Variants in CAP2 observed in about 807,000 individuals in gnomAD.
CAP2 encodes the protein adenylyl cyclase-associated protein 2.
A neutral mutation model predicts 57.7 loss-of-function variants in CAP2; 24 were observed. The ratio of observed to expected loss-of-function variants is 0.42; its 90% CI spans 0.30 to 0.58. CAP2 has a LOEUF of 0.58. Ranked by LOEUF, CAP2 falls within the 20% of genes least tolerant of loss-of-function variation. CAP2 has a pLI of 0.22. For synonymous variants in CAP2, 194 were observed against 207.2 expected, an observed-to-expected ratio of 0.94 and a Z score of 0.55; for missense variants, 501 against 590.3, an observed-to-expected ratio of 0.85 and a Z score of 1.57.
At chr6:17,505,354 T>C (rs1427451500) in intron 4 of CAP2, among the ~76,000 whole-genome samples, 1 of 152,206 alleles carries the variant, frequency 6.6e-6, no homozygotes, top group Non-Finnish European at 1.5e-5. Flanking sequence ...TATTTCCTAA[T>C]AGTTTGCTGT....
chr6:17,435,724 AAAAAAAAAC>A (rs1759861310), intron 3 of CAP2, among the ~76,000 whole-genome samples: 1 of 148,372 alleles, frequency 6.7e-6, no homozygotes, highest in African/African-American at 2.5e-5. Context: ...GGATAAAAAA[AAAAAAAAAC>A]AAAAAAAAAA....
chr6:17,462,384 A>G (rs1218362806), intron 3 of CAP2, among the ~76,000 whole-genome samples: 2 of 152,154 alleles, frequency 1.3e-5, no homozygotes, highest in Admixed American at 6.5e-5. Flanking sequence ...TGGGGCTCAA[A>G]CATTTTTTAA....
chr6:17,475,995 T>C (rs1198396796), intron 4 of CAP2, among the ~76,000 whole-genome samples: 3 of 152,218 alleles, frequency 2.0e-5, no homozygotes, highest in African/African-American at 7.2e-5. Flanking sequence ...TTTGGCTGAA[T>C]ATCCTATAGT....
At chr6:17,505,650 C>T (rs1419925139) in intron 4 of CAP2, among the ~76,000 whole-genome samples, 3 of 152,196 alleles carry the variant, frequency 2.0e-5, no homozygotes, top group Non-Finnish European at 4.4e-5. Context: ...TACTAAAATA[C>T]TGCTTAAAGC....
intron 7 of CAP2, among the ~76,000 whole-genome samples, chr6:17,529,266 G>A (rs1414322336): frequency 2.0e-5 from 3 of 152,178 alleles, no homozygotes; most frequent in South Asian, 2.1e-4. Flanking sequence ...AACAAATTTG[G>A]AAAGGTGTCA....
chr6:17,524,754 G>A (rs1252243195), intron 7 of CAP2, among the ~76,000 whole-genome samples: 3 of 152,076 alleles, frequency 2.0e-5, no homozygotes, highest in African/African-American at 7.2e-5. Context: ...TTCTGGAGAG[G>A]TGCTTTCACC....
chr6:17,497,043 A>G (rs1158727527), intron 4 of CAP2, among the ~76,000 whole-genome samples: 1 of 152,240 alleles, frequency 6.6e-6, no homozygotes, highest in Non-Finnish European at 1.5e-5. Context: ...TCAGCGTGGT[A>G]TTTGGCATAT....
intron 9 of CAP2, among the ~76,000 whole-genome samples, chr6:17,542,266 A>G (rs1581609131): frequency 6.6e-6 from 1 of 152,242 alleles, no homozygotes; most frequent in South Asian, 2.1e-4. Flanking sequence ...GTTCAGTCCC[A>G]TGGATGGAGG....
intron 4 of CAP2, among the ~76,000 whole-genome samples, chr6:17,492,262 A>G (rs1158415184): frequency 6.6e-6 from 1 of 152,148 alleles, no homozygotes; most frequent in Non-Finnish European, 1.5e-5. Context: ...GGGTGCATGT[A>G]TTTTGATTTT....
intron 9 of CAP2, among the ~76,000 whole-genome samples, chr6:17,542,598 G>C (rs1762931573): frequency 6.6e-6 from 1 of 152,182 alleles, no homozygotes; most frequent in Non-Finnish European, 1.5e-5. Flanking sequence ...CCTCCCACCT[G>C]CTAGGGTGCC....
chr6:17,521,672 T>C (rs1291732552), intron 7 of CAP2, among the ~76,000 whole-genome samples: 2 of 152,084 alleles, frequency 1.3e-5, no homozygotes, highest in Admixed American at 6.5e-5. Flanking sequence ...CAATGCACCA[T>C]GATAGAACAG....
chr6:17,542,718 G>A, intron 9 of CAP2, 119 bp from the exon 10 acceptor site: 1 of 803,110 alleles, frequency 1.2e-6, no homozygotes. Context: ...ATAAGGAGAT[G>A]GTTCCAAAAG....
intron 3 of CAP2, among the ~76,000 whole-genome samples, chr6:17,460,190 A>G (rs1760684014): frequency 1.3e-5 from 2 of 152,196 alleles, no homozygotes; most frequent in South Asian, 4.1e-4. Flanking sequence ...ATGGAGAGAG[A>G]AAGTGACCCA....
At chr6:17,481,043 G>A (rs1182083702) in intron 4 of CAP2, among the ~76,000 whole-genome samples, 2 of 149,230 alleles carry the variant, frequency 1.3e-5, no homozygotes, top group East Asian at 2.0e-4. Context: ...AGGTGACCTC[G>A]GCTTCTCAAA....
intron 4 of CAP2, among the ~76,000 whole-genome samples, chr6:17,494,188 A>C (rs188128067): frequency 3.3e-5 from 5 of 152,302 alleles, no homozygotes; most frequent in Admixed American, 6.5e-5. Flanking sequence ...AGCGATCCTT[A>C]GAAAAGAAAA....
chr6:17,546,674 C>T (rs532263943), intron 11 of CAP2, among the ~76,000 whole-genome samples: 13 of 152,212 alleles, frequency 8.5e-5, no homozygotes, highest in African/African-American at 2.6e-4. Context: ...ATTGATGGGA[C>T]GTATCTCAAA....
At chr6:17,495,912 G>A (rs1244826716) in intron 4 of CAP2, among the ~76,000 whole-genome samples, 1 of 150,802 alleles carries the variant, frequency 6.6e-6, no homozygotes. Context: ...ATGACCTGCA[G>A]AAAAGACAGC....
chr6:17,541,378 G>A (rs1003225563), intron 9 of CAP2, among the ~76,000 whole-genome samples: 5 of 151,938 alleles, frequency 3.3e-5, no homozygotes, highest in East Asian at 1.9e-4. Context: ...TCAGGAGTTC[G>A]AGACCAGCCT....
intron 3 of CAP2, among the ~76,000 whole-genome samples, chr6:17,447,931 G>A (rs747820479): frequency 1.3e-5 from 2 of 152,188 alleles, no homozygotes; most frequent in Non-Finnish European, 2.9e-5. Flanking sequence ...CATGCTTGTG[G>A]TTTCTCTACT....
Sources: allele counts gnomAD v4.1 joint callset (sites outside exome capture counted in the v4.1 genomes callset), GRCh38; gene constraint gnomAD v4.1.1; transcripts MANE v1.5; gene names NCBI Gene and HGNC (gene_info 2026-07-23, HGNC 2026-07-21).